The following SLC25A48 variants were observed in gnomAD, a reference collection of about 807,000 sequenced individuals.
SLC25A48 encodes CTC-321K16.1.
A neutral mutation model predicts 32.2 loss-of-function variants in SLC25A48; 29 were observed. The ratio of observed to expected loss-of-function variants is 0.90; its 90% CI spans 0.67 to 1.23. The LOEUF (loss-of-function observed/expected upper bound fraction) is 1.23, where lower values mean the gene tolerates loss of function less well. Ranked by LOEUF, SLC25A48 falls within the 50% of genes most tolerant of loss-of-function variation. The pLI is 0.00. For synonymous variants in SLC25A48, 164 were observed against 172.3 expected, an observed-to-expected ratio of 0.95 and a Z score of 0.38; for missense variants, 399 against 422.7, an observed-to-expected ratio of 0.94 and a Z score of 0.49.
chr5:135,653,508 C>T (rs1753166926), intron 3 of SLC25A48, among the ~76,000 whole-genome samples: 1 of 152,176 alleles, frequency 6.6e-6, no homozygotes, highest in South Asian at 2.1e-4. Context: ...TGCTGAAGTC[C>T]TGACTAAGCA....
chr5:135,658,992 G>A (rs976872165), intron 3 of SLC25A48, among the ~76,000 whole-genome samples: 1 of 152,188 alleles, frequency 6.6e-6, no homozygotes, highest in African/African-American at 2.4e-5. Context: ...CTGCTGCTAA[G>A]GTCTCTGAAA....
intron 3 of SLC25A48, among the ~76,000 whole-genome samples, chr5:135,798,826 A>C (rs1266997368): frequency 2.6e-5 from 4 of 151,584 alleles, no homozygotes; most frequent in Non-Finnish European, 4.4e-5. Flanking sequence ...AGAGGATGAT[A>C]CTACTCCCGA....
rs140542918 is a variant in SLC25A48, at chr5:135,755,619, A to G, written c.-520-56904A>G. Among the ~76,000 whole-genome samples, 34 of 152,186 alleles carry G rather than the reference A, an allele frequency of 2.2e-4. No individual in the cohort carries two copies. The East Asian group carries it at 3.7e-3, about 16-fold the overall frequency. ...ATATGTAGCGTCAACGCACTATGGT[A>G]TTAATGAAATATCGCTGTGATATTT... On this transcript the variant is annotated intron_variant, in intron 3 of 10. Transcript: ENST00000646290.
chr5:135,622,966 A>G (rs1480806128), intron 1 of SLC25A48, among the ~76,000 whole-genome samples: 7 of 152,194 alleles, frequency 4.6e-5, no homozygotes, highest in African/African-American at 1.4e-4. Flanking sequence ...AGGGCTGAAT[A>G]TGCGGGGGCT....
chr5:135,590,526 T>TG (rs1389283149), intron 1 of SLC25A48, among the ~76,000 whole-genome samples: 1 of 152,102 alleles, frequency 6.6e-6, no homozygotes, highest in Non-Finnish European at 1.5e-5. Flanking sequence ...TTTATTTGTG[T>TG]GGGTTTTTTT....
intron 3 of SLC25A48, among the ~76,000 whole-genome samples, chr5:135,775,831 C>T (rs4440354): frequency 0.3 from 45,906 of 151,430 alleles, 7,125 homozygotes; most frequent in East Asian, 0.46. Context: ...CGCCCAATAT[C>T]GTGGGGGTTG....
upstream of SLC25A48, among the ~76,000 whole-genome samples, chr5:135,833,720 G>A (rs1202870576): frequency 1.3e-5 from 2 of 152,222 alleles, no homozygotes; most frequent in Non-Finnish European, 2.9e-5. Context: ...CGGGGCAGGG[G>A]AGGGAGTGAT....
Position 135,810,283 on chromosome 5 carries a change from T to C in SLC25A48, c.-520-2240T>C, listed in dbSNP as rs146480085. On this transcript the variant is annotated intron_variant, in intron 3 of 10. Coordinates refer to the SLC25A48 transcript ENST00000646290. ...TGGGGCCCAGTTAGGTCTGGGGACATAATTTAGTTGTAATAGAAAGATAAA... is the reference window on the plus strand; with the variant it reads ...TGGGGCCCAGTTAGGTCTGGGGACACAATTTAGTTGTAATAGAAAGATAAA... Among the ~76,000 whole-genome samples, 834 of 152,326 alleles carry C rather than the reference T, an allele frequency of 5.5e-3. 8 individuals are homozygous for C. Among genetic ancestry groups the C allele is most frequent in the African/African-American group, 0.018 (762 of 41,572 alleles).
intron 1 of SLC25A48, among the ~76,000 whole-genome samples, chr5:135,596,597 G>A (rs1394836790): frequency 6.6e-6 from 1 of 152,180 alleles, no homozygotes; most frequent in Non-Finnish European, 1.5e-5. Flanking sequence ...ACTGAAATGA[G>A]CAGAGGTGCT....
At chr5:135,598,947 C>G (rs573768422) in intron 1 of SLC25A48, among the ~76,000 whole-genome samples, 1 of 152,208 alleles carries the variant, frequency 6.6e-6, no homozygotes, top group African/African-American at 2.4e-5. Context: ...GGGAGTGCAG[C>G]TGGGCTGGAT....
At chr5:135,709,495 G>T (rs1754601793) in intron 3 of SLC25A48, among the ~76,000 whole-genome samples, 1 of 152,192 alleles carries the variant, frequency 6.6e-6, no homozygotes, top group South Asian at 2.1e-4. Context: ...CACCCCAAAG[G>T]TTCGGACTCA....
rs182479802 is a variant in SLC25A48 at position 135,669,167 on chromosome 5, G to A, written c.-521+34211G>A. ...CAGGCCATGAGAGGCCAGTTGATGT[G>A]CCTAGGATAACATGGCCTTCAAAGA... On this transcript the variant is annotated intron_variant, in intron 3 of 10. Coordinates refer to the SLC25A48 transcript ENST00000646290. Among the ~76,000 whole-genome samples, 561 of 152,264 alleles carry A rather than the reference G, an allele frequency of 3.7e-3. 5 individuals carry two copies. The highest frequency in any genetic ancestry group is 0.013 in the African/African-American group (535 of 41,554).
At chr5:135,675,719 G>A (rs887157119) in intron 3 of SLC25A48, among the ~76,000 whole-genome samples, 4 of 151,810 alleles carry the variant, frequency 2.6e-5, no homozygotes, top group Non-Finnish European at 4.4e-5. Context: ...TTAGGGTTAC[G>A]TTTTAGAATT....
rs75857405 is a variant in SLC25A48 at position 135,841,666 on chromosome 5, G to A, written c.47-750G>A. 1.3e-3 allele frequency among the ~76,000 whole-genome samples: 199 copies of A among 152,160 alleles called. 1 individual carries two copies. The highest frequency in any genetic ancestry group is 4.3e-3 in the African/African-American group (178 of 41,556). On this transcript the variant is annotated intron_variant, in intron 1 of 7. Coordinates refer to ENST00000681962, the MANE Select transcript of SLC25A48 (RefSeq NM_001349336.2). Reference sequence around the variant, plus strand: ...TGACAGGACAAAGAAAATCTGGCTAGGGTGGTGGAATTTTGCTAGAGGAGT... The same window carrying A: ...TGACAGGACAAAGAAAATCTGGCTAAGGTGGTGGAATTTTGCTAGAGGAGT...
chr5:135,748,532 C>T (rs1755695388), intron 3 of SLC25A48, among the ~76,000 whole-genome samples: 1 of 151,988 alleles, frequency 6.6e-6, no homozygotes, highest in African/African-American at 2.4e-5. Context: ...CCTTGGCCTC[C>T]CAAAGTGCTG....
chr5:135,814,907 C>T (rs1357204319), intron 4 of SLC25A48, among the ~76,000 whole-genome samples: 2 of 152,220 alleles, frequency 1.3e-5, no homozygotes, highest in East Asian at 3.8e-4. Flanking sequence ...GAGGCCACTG[C>T]CTCGTGAACT....
intron 4 of SLC25A48, among the ~76,000 whole-genome samples, chr5:135,861,895 AC>A (rs1230187716): frequency 1.3e-5 from 2 of 151,912 alleles, no homozygotes; most frequent in African/African-American, 4.9e-5. Context: ...TTGCACAATA[AC>A]CAGTAGTTAT....
Position 135,776,967 on chromosome 5 carries a change from A to G in SLC25A48, c.-520-35556A>G, listed in dbSNP as rs577152204. On this transcript the variant is annotated intron_variant, in intron 3 of 10. Transcript: ENST00000646290. ...ATATTGTTCCTAATATTCAGGAGGAAGAGCATGATATTACTGCCAATATGG... is the reference window on the plus strand; with the variant it reads ...ATATTGTTCCTAATATTCAGGAGGAGGAGCATGATATTACTGCCAATATGG... Among the ~76,000 whole-genome samples, 75 of 152,026 alleles carry G rather than the reference A, an allele frequency of 4.9e-4. No homozygotes were observed. The South Asian group carries it at 5.2e-3, about 11-fold the overall frequency.
At chr5:135,664,582 C>T (rs1291828816) in intron 3 of SLC25A48, among the ~76,000 whole-genome samples, 1 of 152,100 alleles carries the variant, frequency 6.6e-6, no homozygotes, top group Non-Finnish European at 1.5e-5. Flanking sequence ...TATTCCTCAC[C>T]CCCAACTTCC....
Sources: allele counts gnomAD v4.1 joint callset (sites outside exome capture counted in the v4.1 genomes callset), GRCh38; gene constraint gnomAD v4.1.1; transcripts MANE v1.5; gene names NCBI Gene and HGNC (gene_info 2026-07-23, HGNC 2026-07-21).